CADM2: variants seen among roughly 807,000 people sequenced by gnomAD.
CADM2 encodes the protein cell adhesion molecule 2, also known as immunoglobulin superfamily member 4D.
Under a neutral mutation model 49.8 loss-of-function variants are expected in CADM2, and 12 were observed. The observed-to-expected ratio is 0.24, with a 90% CI of 0.15 to 0.39. The LOEUF is 0.39. Ranked by LOEUF, CADM2 falls within the 10% of genes least tolerant of loss-of-function variation. The probability of loss-of-function intolerance (pLI) is 1.00; values close to 1 mark genes in which losing one functional copy is unlikely to be tolerated. For synonymous variants in CADM2, 214 were observed against 175.4 expected (o/e 1.22, Z -1.74); for missense variants, 378 against 492.3 (o/e 0.77, Z 2.20).
intron 7 of CADM2, among the ~76,000 whole-genome samples, chr3:85,944,494 T>C (rs1722384598): frequency 6.6e-6 from 1 of 152,104 alleles, no homozygotes; most frequent in South Asian, 2.1e-4. Flanking sequence ...ACAGCACACC[T>C]ATTCCAAAAT....
At chr3:86,043,773 A>T (rs1646699250) in intron 8 of CADM2, among the ~76,000 whole-genome samples, 1 of 152,202 alleles carries the variant, frequency 6.6e-6, no homozygotes, top group Non-Finnish European at 1.5e-5. Flanking sequence ...AGCCAAAAGA[A>T]TAAAGCTGGA....
At chr3:85,254,525 C>T (rs909542103) in intron 1 of CADM2, among the ~76,000 whole-genome samples, 3 of 152,042 alleles carry the variant, frequency 2.0e-5, no homozygotes, top group Non-Finnish European at 2.9e-5. Context: ...CCTGAAGCTA[C>T]CTAGAGTCCT....
intron 7 of CADM2, among the ~76,000 whole-genome samples, chr3:85,945,320 C>T (rs1401806011): frequency 2.0e-5 from 3 of 151,918 alleles, no homozygotes; most frequent in Admixed American, 6.6e-5. Flanking sequence ...CCAGACCAGA[C>T]GGTTTCACAG....
At chr3:84,959,725 C>G (rs535883615) in intron 1 of CADM2, 57 bp downstream of exon 1, 2 of 1,440,630 alleles carry the variant, frequency 1.4e-6, no homozygotes, top group Admixed American at 2.0e-5. Context: ...CCATCTTCCC[C>G]ATTCCACCCC....
chr3:85,823,735 G>A (rs2073739960), intron 3 of CADM2, among the ~76,000 whole-genome samples: 1 of 152,102 alleles, frequency 6.6e-6, no homozygotes, highest in Non-Finnish European at 1.5e-5. Flanking sequence ...AGTACAAAGA[G>A]AATAAGTAAC....
intron 8 of CADM2, among the ~76,000 whole-genome samples, chr3:86,025,053 T>TG (rs1733714979): frequency 6.6e-6 from 1 of 151,024 alleles, no homozygotes; most frequent in African/African-American, 2.4e-5. Flanking sequence ...TAGTTGTTTT[T>TG]TTTTGTTTTG....
intron 1 of CADM2, among the ~76,000 whole-genome samples, chr3:85,046,734 T>C (rs1471622598): frequency 1.3e-5 from 2 of 152,066 alleles, no homozygotes; most frequent in African/African-American, 2.4e-5. Flanking sequence ...GTAATTCTCA[T>C]GGATAGACTA....
chr3:85,391,458 C>T (rs752747236), intron 1 of CADM2, among the ~76,000 whole-genome samples: 1 of 151,800 alleles, frequency 6.6e-6, no homozygotes, highest in Admixed American at 6.6e-5. Context: ...CAAATTTTGT[C>T]GGAATAGTAA....
At chr3:85,107,631 TTTTCTTTCTTTC>T (rs371715710) in intron 1 of CADM2, among the ~76,000 whole-genome samples, 4 of 137,842 alleles carry the variant, frequency 2.9e-5, no homozygotes, top group Non-Finnish European at 6.3e-5. Context: ...CTTTCTTTCT[TTTTCTTTCTTTC>T]TTTCTTTCTT....
At chr3:85,122,813 C>A (rs979027410) in intron 1 of CADM2, among the ~76,000 whole-genome samples, 1 of 152,000 alleles carries the variant, frequency 6.6e-6, no homozygotes, top group African/African-American at 2.4e-5. Context: ...TAAAAACATT[C>A]TCTTCTTCCA....
intron 1 of CADM2, among the ~76,000 whole-genome samples, chr3:85,157,073 T>C (rs1302176956): frequency 6.6e-6 from 1 of 152,066 alleles, no homozygotes; most frequent in East Asian, 1.9e-4. Context: ...AAATCATGAG[T>C]GAACTCCCAT....
intron 2 of CADM2, among the ~76,000 whole-genome samples, chr3:85,761,367 C>CATT (rs1435295947): frequency 7.9e-5 from 8 of 101,090 alleles, no homozygotes; most frequent in Non-Finnish European, 5.4e-5. Flanking sequence ...CAACACAAAA[C>CATT]TTTTTTTTTT....
intron 1 of CADM2, among the ~76,000 whole-genome samples, chr3:85,612,904 A>AT (rs1195725708): frequency 6.6e-6 from 1 of 151,714 alleles, no homozygotes; most frequent in African/African-American, 2.4e-5. Context: ...AAATCAAGTC[A>AT]TTTTTTGTTT....
chr3:85,068,359 A>G (rs1460638959), intron 1 of CADM2, among the ~76,000 whole-genome samples: 1 of 152,188 alleles, frequency 6.6e-6, no homozygotes, highest in Non-Finnish European at 1.5e-5. Flanking sequence ...GGAGAGGACA[A>G]CAGCAGCAAG....
chr3:85,568,620 T>TCTTTTTC (rs1403861999), intron 1 of CADM2, among the ~76,000 whole-genome samples: 4 of 147,816 alleles, frequency 2.7e-5, no homozygotes, highest in Non-Finnish European at 6.0e-5. Context: ...TTCTTTTTTT[T>TCTTTTTC]TTTTTTTACA....
intron 6 of CADM2, among the ~76,000 whole-genome samples, chr3:85,933,535 G>A (rs1482178669): frequency 6.6e-6 from 1 of 152,070 alleles, no homozygotes; most frequent in Admixed American, 6.6e-5. Context: ...CCATGTTAGG[G>A]TTCTCCGGAG....
chr3:85,540,949 A>G (rs1244919695), intron 1 of CADM2, among the ~76,000 whole-genome samples: 1 of 152,026 alleles, frequency 6.6e-6, no homozygotes, highest in African/African-American at 2.4e-5. Flanking sequence ...CACTTGCCGT[A>G]TTGGATCAGG....
chr3:85,296,906 A>C (rs892897178), intron 1 of CADM2, among the ~76,000 whole-genome samples: 1 of 152,088 alleles, frequency 6.6e-6, no homozygotes, highest in African/African-American at 2.4e-5. Flanking sequence ...CTAGTTTCTC[A>C]GCTAAAATAG....
intron 1 of CADM2, among the ~76,000 whole-genome samples, chr3:85,336,966 T>TA (rs1401586955): frequency 1.1e-4 from 2 of 17,766 alleles, no homozygotes; most frequent in East Asian, 0.01. Context: ...ATATATATAT[T>TA]AAATATATAT....
Sources: allele counts gnomAD v4.1 joint callset (sites outside exome capture counted in the v4.1 genomes callset), GRCh38; gene constraint gnomAD v4.1.1; transcripts MANE v1.5; gene names NCBI Gene and HGNC (gene_info 2026-07-23, HGNC 2026-07-21).